HCN4: variants seen among roughly 807,000 people sequenced by gnomAD.
HCN4 encodes hyperpolarization activated cyclic nucleotide gated potassium channel 4.
Under a neutral mutation model 76.9 loss-of-function variants are expected in HCN4, and 29 were observed. That is an observed-to-expected ratio of 0.38 (90% CI 0.28 to 0.51). The LOEUF (loss-of-function observed/expected upper bound fraction) is 0.51. HCN4 is among the 20% of genes least tolerant of loss of function. HCN4 has a pLI of 0.90. For synonymous variants in HCN4, 772 were observed against 762.5 expected, an observed-to-expected ratio of 1.01 and a Z score of -0.21; for missense variants, 1,416 against 1,715.2, an observed-to-expected ratio of 0.83 and a Z score of 3.08.
At chr15:73,356,652 T>C (rs928112534) in intron 1 of HCN4, among the ~76,000 whole-genome samples, 1 of 151,988 alleles carries the variant, frequency 6.6e-6, no homozygotes, top group Non-Finnish European at 1.5e-5. Context: ...GGGATGGAGC[T>C]TGGGGCCAAA....
chr15:73,327,759 T>G (rs544035293), intron 4 of HCN4, among the ~76,000 whole-genome samples: 2 of 152,178 alleles, frequency 1.3e-5, no homozygotes, highest in Non-Finnish European at 1.5e-5. Flanking sequence ...ATGCTCATCC[T>G]CATCCTGATG....
Position 73,325,342 on chromosome 15 carries a change from C to T in HCN4, c.1693G>A (p.Asp565Asn), listed in dbSNP as rs201811340. Residue 565 changes from aspartate (D) to asparagine (N), a missense_variant, in exon 5 of 8, where the codon GAC (aspartate) becomes AAC (asparagine). Around this residue, in one of 6 missense-constraint regions of HCN4, gnomAD observed 241 missense variants for 379.4 expected, o/e 0.64. Coordinates refer to ENST00000261917, the MANE Select transcript of HCN4 (RefSeq NM_005477.3). This position sits in a 1 kb window ranked among gnomAD's most constrained non-coding sequence, Gnocchi z 7.4. ...AGCTCGCCCAGGATGCTCTCCTCGTCGAACATCTTGCCCTGGTAGCGGTGC... is the reference window on the plus strand; with the variant it reads ...AGCTCGCCCAGGATGCTCTCCTCGTTGAACATCTTGCCCTGGTAGCGGTGC... ...YEHRYQGKMF[D>N]EESILGELSE... 3.7e-6 allele frequency: 6 copies of T among 1,614,018 alleles called. No homozygotes were observed. The highest frequency in any genetic ancestry group is 2.2e-5 in the East Asian group (1 of 44,878).
chr15:73,332,469 A>G (rs2042939042), intron 2 of HCN4, among the ~76,000 whole-genome samples, 177 bp from the exon 3 acceptor site: 1 of 152,190 alleles, frequency 6.6e-6, no homozygotes, highest in South Asian at 2.1e-4. Context: ...TAGGTCTTGG[A>G]AGAGGAAGAC....
At chr15:73,347,190 A>C (rs553585112) in intron 1 of HCN4, among the ~76,000 whole-genome samples, 2 of 152,302 alleles carry the variant, frequency 1.3e-5, no homozygotes, top group Admixed American at 1.3e-4. Context: ...CCCTCACACT[A>C]GCACTGTGGC....
At chr15:73,363,840 C>T (rs1355759798) in intron 1 of HCN4, among the ~76,000 whole-genome samples, 1 of 152,136 alleles carries the variant, frequency 6.6e-6, no homozygotes, top group Non-Finnish European at 1.5e-5. Flanking sequence ...CTTGACATGG[C>T]AACAGGCAAC....
chr15:73,363,652 C>T (rs148926966), intron 1 of HCN4, among the ~76,000 whole-genome samples: 1 of 152,280 alleles, frequency 6.6e-6, no homozygotes, highest in Non-Finnish European at 1.5e-5. Context: ...TGTCTGACCC[C>T]AAGAAGGTTC....
chr15:73,326,075 AC>A (rs1261324294), intron 4 of HCN4, among the ~76,000 whole-genome samples: 2 of 152,078 alleles, frequency 1.3e-5, no homozygotes, highest in African/African-American at 4.8e-5. Flanking sequence ...TGAGCCTCAG[AC>A]CCTGGGGCTC....
intron 2 of HCN4, among the ~76,000 whole-genome samples, chr15:73,336,678 T>C (rs568137964): frequency 6.6e-6 from 1 of 152,236 alleles, no homozygotes; most frequent in South Asian, 2.1e-4. Flanking sequence ...TGGTTTTGGC[T>C]CTACTGCCTA....
Position 73,338,602 on chromosome 15 carries a change from A to C in HCN4, c.1209+4783T>G, listed in dbSNP as rs556428814. Among the ~76,000 whole-genome samples, 59 of 152,226 alleles carry C rather than the reference A, an allele frequency of 3.9e-4. 2 individuals are homozygous for C. Among genetic ancestry groups the C allele is most frequent in the South Asian group, 3.7e-3 (18 of 4,822 alleles). On this transcript the variant is annotated intron_variant, in intron 2 of 7. Transcript: ENST00000261917. ...GTTCCTTTCCTTCCCTCTCTTTCCC[A>C]GCCCTCCCAACAAAGAGTTGATTTC...
Position 73,368,279 on chromosome 15 carries a change from G to A in HCN4, c.-9C>T, listed in dbSNP as rs2043140004. 6.7e-7 allele frequency: 1 copy of A among 1,482,582 alleles called. No homozygotes were observed. Among genetic ancestry groups the A allele is most frequent in the East Asian group, 2.9e-5 (1 of 34,598 alleles). 91.8% of individuals were successfully genotyped at this position (1,482,582 alleles called of 1,614,324 possible). ...GGCGGCAGCTTGTCCATGGCGCCAGGGGCCGGGGTCGGACCGGGCCGGGGG... is the reference window on the plus strand; with the variant it reads ...GGCGGCAGCTTGTCCATGGCGCCAGAGGCCGGGGTCGGACCGGGCCGGGGG... On this transcript the variant is annotated 5_prime_UTR_variant, in exon 1 of 8. Coordinates refer to ENST00000261917, the MANE Select transcript of HCN4 (RefSeq NM_005477.3). The surrounding 1 kb of genome is among the most constrained non-coding windows in gnomAD (Gnocchi z 6.9).
chr15:73,368,402 C>A lies in HCN4; in HGVS notation c.-132G>T. The A allele has an allele frequency of 3.7e-6, 2 of 538,740 alleles. No individual in the cohort carries two copies. The highest frequency in any genetic ancestry group is 5.8e-6 in the Non-Finnish European group (2 of 347,536). The allele number at this position is 538,740 out of a possible 1,614,324, so 33.4% of individuals were successfully genotyped here. A position where few individuals can be genotyped will look rare whatever the true frequency, so the allele number is the denominator to read the frequency against. ...CCGCCGGCGTGGGGGCAGCCTCAGGCGCCCATGCTTGGGCAGGCTGCGCGC... is the reference window on the plus strand; with the variant it reads ...CCGCCGGCGTGGGGGCAGCCTCAGGAGCCCATGCTTGGGCAGGCTGCGCGC... On this transcript the variant is annotated 5_prime_UTR_variant, in exon 1 of 8. Transcript: ENST00000261917. The surrounding 1 kb of genome is among the most constrained non-coding windows in gnomAD (Gnocchi z 6.9).
intron 4 of HCN4, among the ~76,000 whole-genome samples, chr15:73,329,213 C>A (rs979649937): frequency 6.6e-6 from 1 of 152,144 alleles, no homozygotes; most frequent in African/African-American, 2.4e-5. Flanking sequence ...AGGAGCAACA[C>A]CGCGAGAGTG....
At chr15:73,350,069 T>G (rs2043047430) in intron 1 of HCN4, among the ~76,000 whole-genome samples, 1 of 152,202 alleles carries the variant, frequency 6.6e-6, no homozygotes, top group Admixed American at 6.5e-5. Context: ...TCTGCAGTCC[T>G]CTTGTACACC....
At chr15:73,327,936 G>A (rs532510138) in intron 4 of HCN4, among the ~76,000 whole-genome samples, 10 of 152,204 alleles carry the variant, frequency 6.6e-5, no homozygotes, top group Non-Finnish European at 1.5e-4. Flanking sequence ...CCAAAGGACA[G>A]TGCCTGGGAC....
chr15:73,360,809 T>A (rs1455928293), intron 1 of HCN4, among the ~76,000 whole-genome samples: 1 of 152,206 alleles, frequency 6.6e-6, no homozygotes, highest in Non-Finnish European at 1.5e-5. Context: ...CTGGCTTTAG[T>A]CTCTGTTGAT....
intron 1 of HCN4, among the ~76,000 whole-genome samples, chr15:73,353,707 G>A (rs2043065226): frequency 6.6e-6 from 1 of 152,136 alleles, no homozygotes; most frequent in Non-Finnish European, 1.5e-5. Context: ...GGTGGTGGGG[G>A]AGTGTTTTGT....
In HCN4 at chr15:73,355,483, A is replaced by G. The variant is rs1036482770; in HGVS notation, c.786-11675T>C. ...GCACCTCAGGGAACCCTGACACCTC[A>G]GCTCCCAGCTCTGAAGAGAATGTGG... On this transcript the variant is annotated intron_variant, in intron 1 of 7. Coordinates refer to ENST00000261917, the MANE Select transcript of HCN4 (RefSeq NM_005477.3). Among the ~76,000 whole-genome samples the G allele has an allele frequency of 3.7e-4, 56 of 152,246 alleles. 1 individual carries two copies. The highest frequency in any genetic ancestry group is 3.1e-3 in the Admixed American group (47 of 15,296).
rs573446600 is a variant in HCN4, at chr15:73,326,761, TTTTTTC to T, written c.1591-1323_1591-1318del. Among the ~76,000 whole-genome samples the T allele has an allele frequency of 3.3e-5, 5 of 151,814 alleles. No individual in the cohort carries two copies. The South Asian group carries it at 8.3e-4, about 25-fold the overall frequency. On this transcript the variant is annotated intron_variant, in intron 4 of 7. Transcript: ENST00000261917. ...TAAACTCTGATGCATTTTCTTTTCTTTTTTTCTTTTTATTTATTTATTTATTTATTT... is the reference window on the plus strand; with the variant it reads ...TAAACTCTGATGCATTTTCTTTTCTTTTTTTATTTATTTATTTATTTATTT...
intron 6 of HCN4, 64 bp from the exon 7 acceptor site, chr15:73,324,317 A>C: frequency 1.3e-6 from 2 of 1,560,534 alleles, no homozygotes; most frequent in South Asian, 1.1e-5. Flanking sequence ...GGGACTGCCC[A>C]CCCTGACCTT....
Sources: gnomAD v4.1 joint callset for allele counts (sites outside exome capture counted in the v4.1 genomes callset) on GRCh38, gnomAD v4.1.1 for gene constraint, gnomAD v4.1.1 regional missense constraint, Gnocchi (gnomAD v3.1) non-coding constraint, MANE v1.5 for transcripts, NCBI Gene and HGNC (gene_info 2026-07-23, HGNC 2026-07-21) for gene names.